Variants in KCNU1 observed in about 807,000 individuals in gnomAD.
The protein encoded by KCNU1 is potassium channel subfamily U member 1.
Under a neutral mutation model 126.8 loss-of-function variants are expected in KCNU1, and 93 were observed. The observed-to-expected ratio is 0.73, with a 90% CI of 0.62 to 0.87. The LOEUF is 0.87. Among genes scored for constraint, KCNU1 ranks in the 40% least tolerant of loss-of-function variants. The pLI is 0.00. For synonymous variants in KCNU1, 523 were observed against 494.2 expected, an observed-to-expected ratio of 1.06 and a Z score of -0.77; for missense variants, 1,330 against 1,367.1, an observed-to-expected ratio of 0.97 and a Z score of 0.43.
intron 7 of KCNU1, among the ~76,000 whole-genome samples, chr8:36,811,695 G>C (rs1314867464): frequency 6.6e-6 from 1 of 152,162 alleles, no homozygotes; most frequent in Non-Finnish European, 1.5e-5. Context: ...ACTTTGGGAG[G>C]CCAGGGGAGG....
intron 2 of KCNU1, among the ~76,000 whole-genome samples, chr8:36,803,060 C>G (rs1563263837): frequency 6.6e-6 from 1 of 152,138 alleles, no homozygotes; most frequent in Non-Finnish European, 1.5e-5. Context: ...GTCAGAGAAG[C>G]AAGTTCCTTC....
intron 19 of KCNU1, among the ~76,000 whole-genome samples, chr8:36,874,694 A>T (rs1585494032): frequency 6.6e-6 from 1 of 152,162 alleles, no homozygotes. Flanking sequence ...AACACTATAG[A>T]TTATTAGCTT....
intron 9 of KCNU1, among the ~76,000 whole-genome samples, chr8:36,816,331 T>C (rs959088843): frequency 5.3e-5 from 8 of 152,144 alleles, no homozygotes; most frequent in East Asian, 1.9e-4. Context: ...ATTAGGTTTT[T>C]TTTTCCCATC....
At chr8:36,863,661 A>G (rs1483233645) in intron 18 of KCNU1, among the ~76,000 whole-genome samples, 1 of 152,178 alleles carries the variant, frequency 6.6e-6, no homozygotes, top group Non-Finnish European at 1.5e-5. Context: ...CTTGGGTTGA[A>G]TCTGGGTTCC....
intron 24 of KCNU1, among the ~76,000 whole-genome samples, chr8:36,926,891 G>A (rs181065275): frequency 3.2e-3 from 483 of 152,150 alleles, no homozygotes; most frequent in Admixed American, 4.9e-3. Context: ...TTCAGGACAG[G>A]CTCCCTGAAT....
chr8:36,897,464 G>T (rs1230759416), intron 19 of KCNU1, among the ~76,000 whole-genome samples: 1 of 151,970 alleles, frequency 6.6e-6, no homozygotes, highest in Non-Finnish European at 1.5e-5. Flanking sequence ...GATGCAACAG[G>T]TCTTAGCTTC....
intron 20 of KCNU1, 121 bp from the exon 21 acceptor site, chr8:36,909,190 A>G (rs62490753): frequency 0.01 from 6,980 of 671,252 alleles, 66 homozygotes; most frequent in Middle Eastern, 0.025. Context: ...AATTCTATTC[A>G]CCTTATGAAA....
intron 19 of KCNU1, among the ~76,000 whole-genome samples, chr8:36,868,944 C>G (rs1806004670): frequency 6.6e-6 from 1 of 152,120 alleles, no homozygotes; most frequent in African/African-American, 2.4e-5. Flanking sequence ...GTCCTAGCTT[C>G]CAATTTCTTT....
At chr8:36,804,340 C>G (rs894951695) in intron 3 of KCNU1, among the ~76,000 whole-genome samples, 1 of 152,148 alleles carries the variant, frequency 6.6e-6, no homozygotes. Flanking sequence ...AACCCCCACC[C>G]GAGATTTACT....
intron 19 of KCNU1, among the ~76,000 whole-genome samples, chr8:36,880,913 A>G (rs1294382328): frequency 6.6e-6 from 1 of 152,178 alleles, no homozygotes; most frequent in East Asian, 1.9e-4. Context: ...TAATACTGCA[A>G]ACATCCTGTT....
At chr8:36,811,906 A>G (rs184132348) in intron 7 of KCNU1, among the ~76,000 whole-genome samples, 2 of 152,194 alleles carry the variant, frequency 1.3e-5, no homozygotes, top group African/African-American at 4.8e-5. Flanking sequence ...TACTAAAAAT[A>G]TAAAAAAATT....
intron 19 of KCNU1, among the ~76,000 whole-genome samples, chr8:36,884,858 G>A (rs1214032701): frequency 6.6e-6 from 1 of 152,178 alleles, no homozygotes; most frequent in African/African-American, 2.4e-5. Context: ...AGCTGTGGTT[G>A]AATTTCCAGT....
intron 8 of KCNU1, 69 bp downstream of exon 8, chr8:36,814,446 A>G: frequency 8.9e-7 from 1 of 1,125,298 alleles, no homozygotes; most frequent in South Asian, 1.4e-5. Context: ...AATGGTAATC[A>G]ATGAAACAAT....
At chr8:36,867,096 T>G (rs1805938330) in intron 19 of KCNU1, among the ~76,000 whole-genome samples, 1 of 152,018 alleles carries the variant, frequency 6.6e-6, no homozygotes, top group South Asian at 2.1e-4. Flanking sequence ...AATAAAAAAT[T>G]TTTGCAGTTC....
At chr8:36,882,217 T>A (rs1365905403) in intron 19 of KCNU1, among the ~76,000 whole-genome samples, 4 of 152,210 alleles carry the variant, frequency 2.6e-5, no homozygotes. Flanking sequence ...TAAGCCCATT[T>A]AAAAGTCCAT....
At chr8:36,836,744 T>C (rs748982876) in intron 13 of KCNU1, 49 bp from the exon 14 acceptor site, 12 of 1,542,060 alleles carry the variant, frequency 7.8e-6, no homozygotes, top group Non-Finnish European at 1.1e-5. Flanking sequence ...AGAGCTTTCT[T>C]GAGGTGTGTT....
intron 10 of KCNU1, among the ~76,000 whole-genome samples, chr8:36,829,028 T>G (rs1284024604): frequency 6.6e-6 from 1 of 152,152 alleles, no homozygotes; most frequent in East Asian, 1.9e-4. Context: ...GATGTGGACC[T>G]TCACCATGTT....
intron 18 of KCNU1, among the ~76,000 whole-genome samples, chr8:36,858,566 A>G (rs1805617063): frequency 1.3e-5 from 2 of 152,164 alleles, no homozygotes; most frequent in African/African-American, 4.8e-5. Flanking sequence ...TACAAACCAA[A>G]CTTTCTGAAA....
At chr8:36,931,193 T>C (rs1808693419) in intron 25 of KCNU1, 48 bp downstream of exon 25, 1 of 1,392,882 alleles carries the variant, frequency 7.2e-7, no homozygotes, top group Non-Finnish European at 9.8e-7. Context: ...TTTACCTCTC[T>C]GAGCTTCTGA....
Sources: allele counts gnomAD v4.1 joint callset (sites outside exome capture counted in the v4.1 genomes callset), GRCh38; gene constraint gnomAD v4.1.1; transcripts MANE v1.5; gene names NCBI Gene and HGNC (gene_info 2026-07-23, HGNC 2026-07-21).